Variants in AFG3L2 observed in about 807,000 individuals in gnomAD.
AFG3L2 encodes mitochondrial inner membrane m-AAA protease component AFG3L2.
In AFG3L2, 54 loss-of-function variants were observed where a neutral mutation model predicts 94.5. The observed-to-expected ratio is 0.57, with a 90% CI of 0.46 to 0.72. The LOEUF is 0.72. AFG3L2 is among the 30% of genes least tolerant of loss of function. The pLI is 0.00. For synonymous variants in AFG3L2, 377 were observed against 365.5 expected (o/e 1.03, Z -0.36); for missense variants, 754 against 994.9 (o/e 0.76, Z 3.26).
intron 1 of AFG3L2, among the ~76,000 whole-genome samples, chr18:12,373,468 A>G (rs558542803): frequency 2.2e-4 from 33 of 152,224 alleles, no homozygotes; most frequent in Non-Finnish European, 4.3e-4. Flanking sequence ...TGGCATAACA[A>G]TGTAACCAAA....
chr18:12,362,881 T>TGG (rs1908703380), intron 6 of AFG3L2, among the ~76,000 whole-genome samples: 1 of 150,230 alleles, frequency 6.7e-6, no homozygotes, highest in Non-Finnish European at 1.5e-5. Flanking sequence ...CCCACAGTGC[T>TGG]GGAACACACG....
chr18:12,344,617 T>C (rs1456549184), intron 13 of AFG3L2, among the ~76,000 whole-genome samples: 4 of 151,168 alleles, frequency 2.6e-5, no homozygotes, highest in Non-Finnish European at 5.9e-5. Context: ...GAGGTTGCAG[T>C]GAACTGAGAT....
intron 3 of AFG3L2, among the ~76,000 whole-genome samples, chr18:12,367,938 G>A (rs370611559): frequency 1.3e-5 from 2 of 152,172 alleles, no homozygotes; most frequent in Non-Finnish European, 1.5e-5. Flanking sequence ...GGAGGCCAAG[G>A]TGGGCGATCA....
chr18:12,332,285 A>G (rs947128687), intron 16 of AFG3L2, among the ~76,000 whole-genome samples: 1 of 151,934 alleles, frequency 6.6e-6, no homozygotes, highest in East Asian at 1.9e-4. Context: ...CACCACGCCC[A>G]GCTAACTTTT....
At chr18:12,358,496 T>C (rs963145407) in intron 8 of AFG3L2, among the ~76,000 whole-genome samples, 174 bp downstream of exon 8, 2 of 152,132 alleles carry the variant, frequency 1.3e-5, no homozygotes, top group Non-Finnish European at 2.9e-5. Flanking sequence ...ACAAGACACA[T>C]GCACACAGAA....
Position 12,359,085 on chromosome 18 carries a change from G to A in AFG3L2, c.753-142C>T, listed in dbSNP as rs759368154. On this transcript the variant is annotated intron_variant, in intron 7 of 16. Transcript: ENST00000269143. ...TAATACAAAGGAGGGTAACTTGCAA[G>A]TGTTCTTCAAAGGCAACAGAATTCC... 7.3e-5 allele frequency: 93 copies of A among 1,266,820 alleles called. 1 individual carries two copies. Among genetic ancestry groups the A allele is most frequent in the Non-Finnish European group, 8.9e-5 (81 of 908,570 alleles). The allele number at this position is 1,266,820 out of a possible 1,614,324, so 78.5% of individuals were successfully genotyped here.
Position 12,351,252 on chromosome 18 carries a change from C to T in AFG3L2, c.1427-42G>A, listed in dbSNP as rs779587743. 5.0e-6 allele frequency: 8 copies of T among 1,613,968 alleles called. No homozygotes were observed. In the South Asian group the frequency reaches 6.6e-5, roughly 13 times the overall value. ...TAAGGAAAAGAAAATCATATTGAAA[C>T]AGTCACACCTACACTCATGAGCACT... On this transcript the variant is annotated intron_variant, in intron 11 of 16. Transcript: ENST00000269143.
At chr18:12,372,867 G>C (rs993282634) in intron 1 of AFG3L2, among the ~76,000 whole-genome samples, 13 of 152,176 alleles carry the variant, frequency 8.5e-5, no homozygotes, top group Non-Finnish European at 1.9e-4. Flanking sequence ...TAGTTGCCTA[G>C]AGTTGGGGGA....
Position 12,356,676 on chromosome 18 carries a change from G to C in AFG3L2, c.1164+18C>G. On this transcript the variant is annotated intron_variant, in intron 9 of 16. Transcript: ENST00000269143. ...TGGGTGCAAGGAAGCTGTACCATCC[G>C]AACAGAATGAGACTCACTCTAGCAG... The C allele has an allele frequency of 6.2e-7, 1 of 1,613,998 alleles. No individual in the cohort carries two copies. The highest frequency in any genetic ancestry group is 8.5e-7 in the Non-Finnish European group (1 of 1,179,956).
chr18:12,334,512 C>T (rs552288979), intron 16 of AFG3L2, among the ~76,000 whole-genome samples: 3 of 152,298 alleles, frequency 2.0e-5, no homozygotes, highest in South Asian at 4.1e-4. Flanking sequence ...ATTGCAAATG[C>T]GCCTTGCTCA....
chr18:12,339,809 A>T (rs1192891872), intron 15 of AFG3L2, among the ~76,000 whole-genome samples: 2 of 147,492 alleles, frequency 1.4e-5, no homozygotes, highest in Non-Finnish European at 3.0e-5. Context: ...AGATTGCACC[A>T]CTGCACTCCA....
chr18:12,376,107 C>G lies in AFG3L2; in HGVS notation c.114+862G>C, dbSNP rs375357346. On this transcript the variant is annotated intron_variant, in intron 1 of 16. Coordinates refer to ENST00000269143, the MANE Select transcript of AFG3L2 (RefSeq NM_006796.3). ...CCTCCCTAAGTGCTGGGATCGCAGG[C>G]GTGAGCCCCGGCACTAGCCTATCTC... Among the ~76,000 whole-genome samples the G allele has an allele frequency of 4.3e-4, 66 of 152,350 alleles. No individual in the cohort carries two copies. In the East Asian group the frequency reaches 9.5e-3, roughly 22 times the overall value.
At chr18:12,341,698 T>A (rs868421214) in intron 14 of AFG3L2, 1 of 152,240 alleles carries the variant, frequency 6.6e-6, no homozygotes, top group African/African-American at 2.4e-5. Flanking sequence ...TTTATTGATA[T>A]TATACATAAA....
intron 16 of AFG3L2, among the ~76,000 whole-genome samples, chr18:12,333,753 T>A (rs894604889): frequency 6.6e-6 from 1 of 152,196 alleles, no homozygotes; most frequent in Non-Finnish European, 1.5e-5. Context: ...GTAACCAGCA[T>A]GCACTTGACA....
chr18:12,339,566 A>C (rs1348367816), intron 15 of AFG3L2, among the ~76,000 whole-genome samples: 2 of 148,926 alleles, frequency 1.3e-5, no homozygotes, highest in Non-Finnish European at 3.0e-5. Context: ...AAAAAAAAAA[A>C]ACAAAAAAGC....
At chr18:12,330,060 C>T (rs949912274) in intron 16 of AFG3L2, among the ~76,000 whole-genome samples, 5 of 152,248 alleles carry the variant, frequency 3.3e-5, no homozygotes, top group African/African-American at 4.8e-5. Context: ...GCTGGCCGGG[C>T]GCGGTAGCTC....
Position 12,329,724 on chromosome 18 carries a change from CA to C in AFG3L2, c.2234del (p.Leu745TrpfsTer96), listed in dbSNP as rs757726488. On this transcript the variant is annotated frameshift_variant, in exon 17 of 17. Transcript: ENST00000269143. LOFTEE classifies it high-confidence loss of function. Reference protein sequence around the residue: ...VLDKNDMVELLGPRPFAEKST... With the variant: ...VLDKNDMVELXGPRPFAEKST... ...ATTTTTCCGCAAATGGTCTGGGGCC[CA>C]AAAGTTCAACCATATCATTCTTATC... 4 of 1,614,132 alleles carry C rather than the reference CA, an allele frequency of 2.5e-6. No individual in the cohort carries two copies. The highest frequency in any genetic ancestry group is 2.5e-6 in the Non-Finnish European group (3 of 1,180,036).
intron 13 of AFG3L2, among the ~76,000 whole-genome samples, chr18:12,346,167 T>C (rs1296270818): frequency 6.6e-6 from 1 of 152,232 alleles, no homozygotes; most frequent in Non-Finnish European, 1.5e-5. Context: ...TGTCTGCTGA[T>C]GCACCTTCAG....
chr18:12,338,908 T>C (rs565564912), intron 15 of AFG3L2, among the ~76,000 whole-genome samples: 2 of 152,016 alleles, frequency 1.3e-5, no homozygotes, highest in Admixed American at 6.5e-5. Context: ...AAAAAATACA[T>C]ATCAAAGCCA....
Sources: gnomAD v4.1 joint callset for allele counts (sites outside exome capture counted in the v4.1 genomes callset) on GRCh38, gnomAD v4.1.1 for gene constraint, MANE v1.5 for transcripts, NCBI Gene and HGNC (gene_info 2026-07-23, HGNC 2026-07-21) for gene names.